HEMK2: variants seen among roughly 807,000 people sequenced by gnomAD.
HEMK2 encodes the protein HemK methyltransferase 2, ETF1 glutamine and histone H4 lysine, also known as methyltransferase HEMK2.
At chr21:28,754,617 A>G in the HEMK2 span, among the ~76,000 whole-genome samples, 1 of 152,256 alleles carries the variant, frequency 6.6e-6, no homozygotes. Flanking sequence ...GTAACCCTTC[A>G]GCTTAAATTC....
the HEMK2 span, among the ~76,000 whole-genome samples, chr21:28,816,051 G>T: frequency 2.7e-4 from 41 of 152,260 alleles, no homozygotes; most frequent in African/African-American, 9.9e-4. Context: ...CACACCCAGA[G>T]GGAAGATCAA....
chr21:28,611,587 T>C, the HEMK2 span, among the ~76,000 whole-genome samples: 1 of 152,022 alleles, frequency 6.6e-6, no homozygotes, highest in South Asian at 2.1e-4. Flanking sequence ...GAAACAGTAA[T>C]TTAAAATTAC....
At chr21:28,591,635 T>C in the HEMK2 span, among the ~76,000 whole-genome samples, 20 of 152,228 alleles carry the variant, frequency 1.3e-4, no homozygotes, top group African/African-American at 4.3e-4. Flanking sequence ...TTGTACAGAT[T>C]TTTTCATCAC....
At chr21:28,725,810 A>AC in the HEMK2 span, among the ~76,000 whole-genome samples, 1 of 152,190 alleles carries the variant, frequency 6.6e-6, no homozygotes, top group East Asian at 1.9e-4. Flanking sequence ...AAGACATTGT[A>AC]CCCCCTAGCA....
the HEMK2 span, among the ~76,000 whole-genome samples, chr21:28,679,072 A>C: frequency 6.6e-6 from 1 of 152,234 alleles, no homozygotes; most frequent in Non-Finnish European, 1.5e-5. Context: ...AATGGGCTAA[A>C]TGCTCCAATT....
chr21:28,637,666 G>C, the HEMK2 span, among the ~76,000 whole-genome samples: 12 of 152,156 alleles, frequency 7.9e-5, no homozygotes, highest in African/African-American at 2.4e-4. Context: ...GTTTCTATGC[G>C]GGGGTAGGAG....
the HEMK2 span, among the ~76,000 whole-genome samples, chr21:28,775,479 T>G: frequency 6.6e-6 from 1 of 152,252 alleles, no homozygotes; most frequent in Middle Eastern, 3.4e-3. Flanking sequence ...TACACACATG[T>G]GTAAAAGTAT....
the HEMK2 span, among the ~76,000 whole-genome samples, chr21:28,633,397 G>A: frequency 2.6e-5 from 4 of 152,246 alleles, no homozygotes; most frequent in South Asian, 4.2e-4. Flanking sequence ...CTCCTACTTA[G>A]GTGGAAACTG....
chr21:28,704,580 T>G, the HEMK2 span, among the ~76,000 whole-genome samples: 194 of 148,170 alleles, frequency 1.3e-3, 1 homozygote, highest in African/African-American at 4.4e-3. Flanking sequence ...AAAAAAAAAC[T>G]TATTCCCATT....
At chr21:28,740,696 T>C in the HEMK2 span, among the ~76,000 whole-genome samples, 1 of 152,216 alleles carries the variant, frequency 6.6e-6, no homozygotes, top group Admixed American at 6.5e-5. Flanking sequence ...CCCAGAAGTT[T>C]ACAAGATTGA....
the HEMK2 span, among the ~76,000 whole-genome samples, chr21:28,700,320 C>T: frequency 4.6e-5 from 7 of 152,090 alleles, no homozygotes; most frequent in Non-Finnish European, 1.0e-4. Context: ...AACACGTTTC[C>T]ATTTTTAAAC....
At chr21:28,696,648 C>T in the HEMK2 span, among the ~76,000 whole-genome samples, 1 of 152,184 alleles carries the variant, frequency 6.6e-6, no homozygotes, top group Non-Finnish European at 1.5e-5. Flanking sequence ...TAAGCAGTGT[C>T]CCAGTAAGAA....
chr21:28,716,093 C>T, the HEMK2 span, among the ~76,000 whole-genome samples: 1 of 150,944 alleles, frequency 6.6e-6, no homozygotes, highest in African/African-American at 2.5e-5. Context: ...CAGCTTTATT[C>T]GTTTGCTTAG....
the HEMK2 span, among the ~76,000 whole-genome samples, chr21:28,720,204 A>T: frequency 2.0e-5 from 3 of 152,226 alleles, no homozygotes; most frequent in African/African-American, 7.2e-5. Context: ...GGTGATTTTA[A>T]ATAGAAACAC....
the HEMK2 span, among the ~76,000 whole-genome samples, chr21:28,691,126 C>A: frequency 6.6e-6 from 1 of 152,168 alleles, no homozygotes; most frequent in East Asian, 1.9e-4. Flanking sequence ...GATCGTATTT[C>A]ATGTGTGTTG....
the HEMK2 span, among the ~76,000 whole-genome samples, chr21:28,865,594 A>C: frequency 6.6e-6 from 1 of 152,270 alleles, no homozygotes; most frequent in East Asian, 1.9e-4. Flanking sequence ...GCTCTATCCT[A>C]GACTCCTCTT....
At chr21:28,806,532 C>T in the HEMK2 span, among the ~76,000 whole-genome samples, 25 of 152,258 alleles carry the variant, frequency 1.6e-4, no homozygotes, top group East Asian at 4.2e-3. Flanking sequence ...AAGATGAGGT[C>T]ATGAATGAAT....
At chr21:28,698,526 A>G in the HEMK2 span, among the ~76,000 whole-genome samples, 1 of 152,156 alleles carries the variant, frequency 6.6e-6, no homozygotes, top group Admixed American at 6.5e-5. Flanking sequence ...ATTCTTTTTT[A>G]AAGAATTATT....
chr21:28,859,177 G>A, the HEMK2 span, among the ~76,000 whole-genome samples: 7 of 152,088 alleles, frequency 4.6e-5, no homozygotes, highest in Middle Eastern at 3.2e-3. Flanking sequence ...TGTGTATCTC[G>A]TCTCATCAGT....
Sources: allele counts gnomAD v4.1 joint callset (sites outside exome capture counted in the v4.1 genomes callset), GRCh38; gene constraint gnomAD v4.1.1; transcripts MANE v1.5; gene names NCBI Gene and HGNC (gene_info 2026-07-23, HGNC 2026-07-21).